Variants in C4BPA observed in about 807,000 individuals in gnomAD.
C4BPA encodes C4b-binding protein alpha chain.
In C4BPA, 31 loss-of-function variants were observed where a neutral mutation model predicts 63.7. The ratio of observed to expected loss-of-function variants is 0.49; its 90% CI spans 0.37 to 0.66. The LOEUF (loss-of-function observed/expected upper bound fraction) is 0.66. Among genes scored for constraint, C4BPA ranks in the 30% least tolerant of loss-of-function variants. C4BPA has a pLI of 0.00. For synonymous variants in C4BPA, 259 were observed against 254.7 expected (o/e 1.02, Z -0.16); for missense variants, 572 against 723.3 (o/e 0.79, Z 2.40).
intron 4 of C4BPA, among the ~76,000 whole-genome samples, chr1:207,122,263 T>C (rs1684935708): frequency 6.6e-6 from 1 of 152,198 alleles, no homozygotes; most frequent in African/African-American, 2.4e-5. Flanking sequence ...TCAGATAATA[T>C]ATCTGAGGCA....
At chr1:207,104,976 A>G (rs1045466324) in intron 1 of C4BPA, among the ~76,000 whole-genome samples, 2 of 152,334 alleles carry the variant, frequency 1.3e-5, no homozygotes, top group Admixed American at 6.5e-5. Context: ...TAGCAGTCTT[A>G]GTCGTCCTCA....
Position 207,109,917 on chromosome 1 carries a change from A to G in C4BPA, c.-25-3084A>G, listed in dbSNP as rs182128196. 1.6e-3 allele frequency among the ~76,000 whole-genome samples: 238 copies of G among 152,352 alleles called. 2 individuals are homozygous for G. Among genetic ancestry groups the G allele is most frequent in the African/African-American group, 5.4e-3 (225 of 41,584 alleles). ...ATCAGGTAAAATCAGTCCTTAACAAAGCATACACTGTAAGGGGAGACACTG... is the reference window on the plus strand; with the variant it reads ...ATCAGGTAAAATCAGTCCTTAACAAGGCATACACTGTAAGGGGAGACACTG... On this transcript the variant is annotated intron_variant, in intron 1 of 11. Transcript: ENST00000367070.
rs572840298 is a variant in C4BPA, at chr1:207,118,192, TC to T, written c.428+2678del. Among the ~76,000 whole-genome samples the T allele has an allele frequency of 1.1e-3, 168 of 149,376 alleles. 1 individual carries two copies. Among genetic ancestry groups the T allele is most frequent in the African/African-American group, 3.8e-3 (153 of 40,724 alleles). On this transcript the variant is annotated intron_variant, in intron 4 of 11. Transcript: ENST00000367070. ...CTATCTATCTATATCTATCTATCTA[TC>T]ATCTATCTATCTATCATCTGTCTAT...
rs141045133 is a variant in C4BPA at position 207,143,896 on chromosome 1, C to T, written c.1523C>T (p.Thr508Ile). ...CAGTATGTTGAGCCTGAAAATGTCACCATCCAATGTGATTCTGGCTATGGT... is the reference window on the plus strand; with the variant it reads ...CAGTATGTTGAGCCTGAAAATGTCATCATCCAATGTGATTCTGGCTATGGT... The part of the protein sequence containing the change: ...KDQYVEPENV[T>I]IQCDSGYGVV... Residue 508 changes from threonine (T) to isoleucine (I), a missense_variant, in exon 11 of 12, where the codon ACC becomes ATC. By Grantham distance (89) the Thr-to-Ile change is moderately conservative (BLOSUM62 -1). This residue lies in a region of C4BPA where 465 missense variants were observed against 629.4 expected (regional missense o/e 0.74). Transcript: ENST00000367070. The T allele has an allele frequency of 5.6e-5, 90 of 1,612,666 alleles. No homozygotes were observed. Among genetic ancestry groups the T allele is most frequent in the Non-Finnish European group, 7.5e-5 (89 of 1,179,174 alleles).
At chr1:207,120,716 G>C (rs1041497861) in intron 4 of C4BPA, among the ~76,000 whole-genome samples, 1 of 152,192 alleles carries the variant, frequency 6.6e-6, no homozygotes, top group Non-Finnish European at 1.5e-5. Flanking sequence ...GGCGCATCAT[G>C]ATATACAATC....
chr1:207,143,351 G>A (rs1161678924), intron 10 of C4BPA, among the ~76,000 whole-genome samples: 1 of 152,086 alleles, frequency 6.6e-6, no homozygotes, highest in Non-Finnish European at 1.5e-5. Flanking sequence ...GGGGGGCAAG[G>A]GGAGGGATAG....
chr1:207,107,612 T>C (rs187039733), intron 1 of C4BPA, among the ~76,000 whole-genome samples: 102 of 152,264 alleles, frequency 6.7e-4, no homozygotes, highest in Non-Finnish European at 1.4e-3. Flanking sequence ...TGAAGCATGG[T>C]GTTCTAAGTG....
intron 9 of C4BPA, among the ~76,000 whole-genome samples, chr1:207,140,422 C>G (rs1685387891): frequency 6.6e-6 from 1 of 152,106 alleles, no homozygotes; most frequent in African/African-American, 2.4e-5. Flanking sequence ...TCCATGCTTC[C>G]AGGAGCATCT....
Position 207,141,164 on chromosome 1 carries a change from C to A in C4BPA, c.1332C>A (p.Ser444Arg). The A allele has an allele frequency of 1.2e-6, 2 of 1,613,594 alleles. No individual in the cohort carries two copies. The highest frequency in any genetic ancestry group is 1.7e-6 in the Non-Finnish European group (2 of 1,179,670). Residue 444 changes from serine to arginine, a missense_variant, in exon 10 of 12, where the codon AGC becomes AGA. This residue lies in a region of C4BPA where 465 missense variants were observed against 629.4 expected (regional missense o/e 0.74). Transcript: ENST00000367070. Reference sequence around the variant, plus strand: ...ATTATAAACAATCTAGTTCATACAGCTTTTTCAAAGAAGAGATTATATATG... The same window carrying A: ...ATTATAAACAATCTAGTTCATACAGATTTTTCAAAGAAGAGATTATATATG... ...HGHYKQSSSYSFFKEEIIYEC... is the reference protein window; with the variant it reads ...HGHYKQSSSYRFFKEEIIYEC...
At chr1:207,113,558 T>C (rs1178787689) in intron 2 of C4BPA, among the ~76,000 whole-genome samples, 1 of 152,188 alleles carries the variant, frequency 6.6e-6, no homozygotes, top group Non-Finnish European at 1.5e-5. Flanking sequence ...ATTTTTATGC[T>C]TCAAGGGCTC....
chr1:207,131,994 T>C (rs377417256), intron 8 of C4BPA, among the ~76,000 whole-genome samples: 6 of 152,102 alleles, frequency 3.9e-5, no homozygotes, highest in African/African-American at 1.2e-4. Context: ...ATTATGCAGA[T>C]TATGTATTAG....
At position 207,124,324 on chromosome 1, in the gene C4BPA, G is replaced by C. The variant is rs776881743; in HGVS notation, c.664G>C (p.Glu222Gln). The change falls in exon 6 of 12, where the codon GAA becomes CAA. Residue 222 changes from glutamate to glutamine, a missense_variant. Physicochemically the swap from Glu to Gln is conservative, Grantham distance 29. This residue lies in a region of C4BPA where 465 missense variants were observed against 629.4 expected (regional missense o/e 0.74). Transcript: ENST00000367070. Reference protein sequence around the residue: ...HASISCTVENETIGVWRPSPP... With the variant: ...HASISCTVENQTIGVWRPSPP... ...CTCCATTTCTTGCACTGTGGAGAAT[G>C]AAACAATAGGTGTTTGGAGACCAAG... 1 of 1,613,774 alleles carries C rather than the reference G, an allele frequency of 6.2e-7. No homozygotes were observed. Among genetic ancestry groups the C allele is most frequent in the Non-Finnish European group, 8.5e-7 (1 of 1,179,792 alleles).
Position 207,144,009 on chromosome 1 carries a change from C to A in C4BPA, c.1620+16C>A. On this transcript the variant is annotated intron_variant, in intron 11 of 11. Transcript: ENST00000367070. ...GTGTGAGTGGGTAAGTGGCACAATT[C>A]AAGGAAGTTCTGTGCTGTCGACCCC... 6.5e-7 allele frequency: 1 copy of A among 1,548,016 alleles called. No homozygotes were observed. Among genetic ancestry groups the A allele is most frequent in the South Asian group, 1.3e-5 (1 of 78,902 alleles).
rs535925890 is a variant in C4BPA, at chr1:207,114,405, T to A, written c.328+120T>A. ...ACAGTTTGTCAATTACTGATTTCAA[T>A]GTACATACTTGTGGCATTTTTTGAA... On this transcript the variant is annotated intron_variant, in intron 3 of 11. Transcript: ENST00000367070. 31 of 679,264 alleles carry A rather than the reference T, an allele frequency of 4.6e-5. No homozygotes were observed. The East Asian group carries it at 9.9e-4, about 22-fold the overall frequency. The allele number at this position is 679,264 out of a possible 1,614,324, so 42.1% of individuals were successfully genotyped here. A position where few individuals can be genotyped will look rare whatever the true frequency, so the allele number is the denominator to read the frequency against.
chr1:207,138,315 A>G (rs2102361762), intron 9 of C4BPA, among the ~76,000 whole-genome samples: 1 of 152,290 alleles, frequency 6.6e-6, no homozygotes. Flanking sequence ...CAGATGCTCT[A>G]CTTCCATCTT....
At chr1:207,138,005 T>C (rs1376790805) in intron 9 of C4BPA, among the ~76,000 whole-genome samples, 1 of 152,222 alleles carries the variant, frequency 6.6e-6, no homozygotes, top group Non-Finnish European at 1.5e-5. Flanking sequence ...TCTTCCAACA[T>C]GGCCTGAACA....
At chr1:207,114,353 T>TTTAG in intron 3 of C4BPA, 68 bp downstream of exon 3, 3 of 1,236,982 alleles carry the variant, frequency 2.4e-6, no homozygotes, top group South Asian at 1.4e-5. Context: ...AGAAACTAAA[T>TTTAG]TTTCTGAATC....
intron 1 of C4BPA, among the ~76,000 whole-genome samples, chr1:207,106,457 T>TTTTTTTTTTTTTTTTTTTTTTTG (rs905722793): frequency 7.7e-6 from 1 of 129,568 alleles, no homozygotes; most frequent in African/African-American, 3.3e-5. Context: ...TTTTTTTTTT[T>TTTTTTTTTTTTTTTTTTTTTTTG]GAAACGGAGT....
At chr1:207,107,506 AC>A (rs1310271347) in intron 1 of C4BPA, among the ~76,000 whole-genome samples, 3 of 152,134 alleles carry the variant, frequency 2.0e-5, no homozygotes, top group Non-Finnish European at 2.9e-5. Flanking sequence ...CTGTGATTGC[AC>A]CACTTCACTC....
Sources: allele counts gnomAD v4.1 joint callset (sites outside exome capture counted in the v4.1 genomes callset), GRCh38; gene constraint gnomAD v4.1.1; regional missense constraint gnomAD v4.1.1; transcripts MANE v1.5; gene names NCBI Gene and HGNC (gene_info 2026-07-23, HGNC 2026-07-21).